The following LBH variants were observed in gnomAD, a reference collection of about 807,000 sequenced individuals.
LBH encodes LBH regulator of Wnt signaling pathway.
A neutral mutation model predicts 12.5 loss-of-function variants in LBH; 7 were observed. That is an observed-to-expected ratio of 0.56 (90% CI 0.32 to 1.05). The LOEUF (loss-of-function observed/expected upper bound fraction) is 1.05. Among genes scored for constraint, LBH ranks in the 50% least tolerant of loss-of-function variants. The probability of loss-of-function intolerance (pLI) is 0.04; values close to 1 mark genes in which losing one functional copy is unlikely to be tolerated. For missense variants in LBH, 119 were observed against 138.9 expected, an observed-to-expected ratio of 0.86 and a Z score of 0.72; for synonymous variants, 51 against 50.1, an observed-to-expected ratio of 1.02 and a Z score of -0.08.
At chr2:30,249,578 C>T (rs33999214) in intron 2 of LBH, among the ~76,000 whole-genome samples, 4,450 of 152,242 alleles carry the variant, frequency 0.029, 101 homozygotes, top group Middle Eastern at 0.082. Context: ...TTCATTCCCC[C>T]GGTCCTAACC....
chr2:30,233,481 A>AT (rs1188779163), intron 1 of LBH, among the ~76,000 whole-genome samples: 1 of 152,126 alleles, frequency 6.6e-6, no homozygotes, highest in Non-Finnish European at 1.5e-5. Flanking sequence ...ACTCCCCCAT[A>AT]TTTTTGTTTT....
chr2:30,243,651 T>TC (rs1164993138), intron 2 of LBH, among the ~76,000 whole-genome samples: 2 of 151,616 alleles, frequency 1.3e-5, no homozygotes, highest in Non-Finnish European at 2.9e-5. Flanking sequence ...CTGCCTCAGT[T>TC]CCCTCAGTAG....
intron 2 of LBH, among the ~76,000 whole-genome samples, chr2:30,244,013 G>A (rs116172066): frequency 0.011 from 1,657 of 152,296 alleles, 31 homozygotes; most frequent in African/African-American, 0.037. Context: ...GTGCTATACA[G>A]ACAGCTTGAA....
At chr2:30,232,215 G>T in intron 1 of LBH, 1 of 997,422 alleles carries the variant, frequency 1.0e-6, no homozygotes, top group Non-Finnish European at 1.4e-6. Context: ...TGGTGCGGCC[G>T]CAGGGTTTGC....
chr2:30,247,530 A>G (rs781041962), intron 2 of LBH, among the ~76,000 whole-genome samples: 5 of 152,178 alleles, frequency 3.3e-5, no homozygotes, highest in African/African-American at 4.8e-5. Flanking sequence ...AATGCCTGCC[A>G]AATACCCAAG....
chr2:30,257,914 A>C lies in LBH; in HGVS notation c.*293A>C. The C allele has an allele frequency of 4.0e-6, 1 of 249,760 alleles. No individual in the cohort carries two copies. Among genetic ancestry groups the C allele is most frequent in the Non-Finnish European group, 7.6e-6 (1 of 131,480 alleles). The allele number at this position is 249,760 out of a possible 1,614,324, so 15.5% of individuals were successfully genotyped here. A position where few individuals can be genotyped will look rare whatever the true frequency, so the allele number is the denominator to read the frequency against. On this transcript the variant is annotated 3_prime_UTR_variant, in exon 3 of 3. Transcript: ENST00000395323. Reference sequence around the variant, plus strand: ...GAGGGGAGCGAGTGCTGTTTTTGAGATCATTATCTGAACTCAGGCAGCCTA... The same window carrying C: ...GAGGGGAGCGAGTGCTGTTTTTGAGCTCATTATCTGAACTCAGGCAGCCTA...
chr2:30,248,116 T>G (rs1445863423), intron 2 of LBH, among the ~76,000 whole-genome samples: 1 of 151,896 alleles, frequency 6.6e-6, no homozygotes, highest in African/African-American at 2.4e-5. Context: ...TGTAGATGGT[T>G]TCATTGAAAG....
chr2:30,233,637 CT>C (rs1284486494), intron 1 of LBH, among the ~76,000 whole-genome samples: 1 of 152,238 alleles, frequency 6.6e-6, no homozygotes, highest in African/African-American at 2.4e-5. Flanking sequence ...TCGTATCCTG[CT>C]TAGAGAGTAC....
chr2:30,245,853 C>A (rs1331796516), intron 2 of LBH, among the ~76,000 whole-genome samples: 1 of 152,156 alleles, frequency 6.6e-6, no homozygotes, highest in African/African-American at 2.4e-5. Flanking sequence ...AAAACCTGTT[C>A]TTTCCCTACC....
At chr2:30,234,646 C>T in intron 2 of LBH, 139 bp downstream of exon 2, 1 of 610,638 alleles carries the variant, frequency 1.6e-6, no homozygotes, top group Non-Finnish European at 3.0e-6. Flanking sequence ...GCCAGTAAGC[C>T]TCAGTTTCTT....
At chr2:30,254,935 A>G (rs906895885) in intron 2 of LBH, among the ~76,000 whole-genome samples, 5 of 152,266 alleles carry the variant, frequency 3.3e-5, no homozygotes, top group African/African-American at 9.6e-5. Context: ...GTGAAGGCCC[A>G]GAGTCTTACT....
intron 2 of LBH, among the ~76,000 whole-genome samples, chr2:30,234,929 G>A (rs2103555434): frequency 6.6e-6 from 1 of 152,308 alleles, no homozygotes. Flanking sequence ...GGGGGCTTCT[G>A]CAGAAGGGTG....
In LBH at chr2:30,231,721, A is replaced by AG; in HGVS notation, c.-17dup. On this transcript the variant is annotated 5_prime_UTR_variant, in exon 1 of 3. Coordinates refer to ENST00000395323, the MANE Select transcript of LBH (RefSeq NM_030915.4). ...TTTTTAAATCACAGGGGCGTGTGTC[A>AG]GCCTGCCCTAGGACTTCATGTCTAT... 1 of 1,589,538 alleles carries AG rather than the reference A, an allele frequency of 6.3e-7. No individual in the cohort carries two copies. Among genetic ancestry groups the AG allele is most frequent in the Non-Finnish European group, 8.6e-7 (1 of 1,167,936 alleles).
chr2:30,233,961 AATAT>A (rs144663052), intron 1 of LBH, among the ~76,000 whole-genome samples: 4,688 of 152,302 alleles, frequency 0.031, 114 homozygotes, highest in Non-Finnish European at 0.049. Flanking sequence ...GTGTATTAAT[AATAT>A]ATAGAGTTCC....
intron 2 of LBH, among the ~76,000 whole-genome samples, chr2:30,248,766 A>G (rs907858083): frequency 7.9e-5 from 12 of 152,248 alleles, no homozygotes; most frequent in Non-Finnish European, 1.5e-4. Context: ...CACTGGGCCC[A>G]GAGTTAGCAG....
intron 2 of LBH, among the ~76,000 whole-genome samples, chr2:30,240,145 A>C (rs1677765657): frequency 6.6e-6 from 1 of 152,222 alleles, no homozygotes; most frequent in South Asian, 2.1e-4. Flanking sequence ...CGCTGGGCAC[A>C]GTGTCCTACA....
At position 30,259,080 on chromosome 2, in the gene LBH, T is replaced by C. The variant is rs1453967723; in HGVS notation, c.*1459T>C. The C allele has an allele frequency of 2.0e-5, 3 of 151,868 alleles. No homozygotes were observed. Among genetic ancestry groups the C allele is most frequent in the African/African-American group, 7.3e-5 (3 of 41,162 alleles). 9.4% of individuals were successfully genotyped at this position (151,868 alleles called of 1,614,324 possible). A position where few individuals can be genotyped will look rare whatever the true frequency, so the allele number is the denominator to read the frequency against. On this transcript the variant is annotated 3_prime_UTR_variant, in exon 3 of 3. Transcript: ENST00000395323. The stretch of plus-strand genomic sequence containing the variant: ...AGAGCAGTACCGTGTGGCCAAGAGG[T>C]GGACTCAGAGCCTTCCTTGAGCTAA...
chr2:30,236,907 A>C (rs35163601), intron 2 of LBH, among the ~76,000 whole-genome samples: 25,115 of 150,906 alleles, frequency 0.17, 2,255 homozygotes, highest in Non-Finnish European at 0.22. Flanking sequence ...TTGCACCTTC[A>C]GATACCCCTG....
intron 2 of LBH, 151 bp downstream of exon 2, chr2:30,234,658 A>C: frequency 1.7e-6 from 1 of 601,486 alleles, no homozygotes; most frequent in Non-Finnish European, 3.0e-6. Context: ...CAGTTTCTTC[A>C]TCTGTAAAAT....
Sources: gnomAD v4.1 joint callset for allele counts (sites outside exome capture counted in the v4.1 genomes callset) on GRCh38, gnomAD v4.1.1 for gene constraint, MANE v1.5 for transcripts, NCBI Gene and HGNC (gene_info 2026-07-23, HGNC 2026-07-21) for gene names.